The following IQSEC3 variants were observed in gnomAD, a reference collection of about 807,000 sequenced individuals.
IQSEC3 encodes the protein IQ motif and SEC7 domain-containing protein 3.
In IQSEC3, 50 loss-of-function variants were observed where a neutral mutation model predicts 105.4. The observed-to-expected ratio is 0.47, with a 90% confidence interval of 0.38 to 0.60. IQSEC3 has a LOEUF of 0.60. IQSEC3 is among the 20% of genes least tolerant of loss of function. IQSEC3 has a pLI of 0.00. For missense variants in IQSEC3, 1,415 were observed against 1,630.0 expected, an observed-to-expected ratio of 0.87 and a Z score of 2.27; for synonymous variants, 708 against 746.0, an observed-to-expected ratio of 0.95 and a Z score of 0.83.
At chr12:154,472 C>T (rs782681753) in intron 5 of IQSEC3, among the ~76,000 whole-genome samples, 1 of 152,074 alleles carries the variant, frequency 6.6e-6, no homozygotes, top group Non-Finnish European at 1.5e-5. Context: ...AGGACCTCAG[C>T]GTTCAGAAAC....
chr12:131,787 G>A (rs1555085194), intron 3 of IQSEC3, among the ~76,000 whole-genome samples: 2 of 152,096 alleles, frequency 1.3e-5, no homozygotes, highest in African/African-American at 4.8e-5. Context: ...GGAAGGTGTA[G>A]GGGACAGTGC....
chr12:131,625 C>T (rs1297176013), intron 3 of IQSEC3, among the ~76,000 whole-genome samples: 2 of 152,230 alleles, frequency 1.3e-5, no homozygotes, highest in Non-Finnish European at 2.9e-5. Flanking sequence ...TATTCAGCCT[C>T]AGCCACAGGT....
chr12:154,536 A>G (rs1555093595), intron 5 of IQSEC3, among the ~76,000 whole-genome samples: 2 of 152,114 alleles, frequency 1.3e-5, no homozygotes, highest in African/African-American at 4.8e-5. Context: ...GAGCAGCAGG[A>G]TGGCACTCAG....
At chr12:157,395 G>A (rs1866727921) in intron 6 of IQSEC3, 133 bp from the exon 7 acceptor site, 1 of 1,153,296 alleles carries the variant, frequency 8.7e-7, no homozygotes, top group African/African-American at 1.6e-5. Flanking sequence ...CAGAGTATGG[G>A]ACAGACACTG....
intron 11 of IQSEC3, chr12:166,252 G>A (rs1437580195): frequency 1.1e-5 from 3 of 268,112 alleles, no homozygotes; most frequent in Admixed American, 9.7e-5. Context: ...ACCGTCTGCT[G>A]TCACCTCCCC....
intron 2 of IQSEC3, among the ~76,000 whole-genome samples, chr12:101,154 G>T (rs376632555): frequency 6.6e-6 from 1 of 152,102 alleles, no homozygotes; most frequent in African/African-American, 2.4e-5. Context: ...GCTTCCTGTG[G>T]TCTCTCCTCC....
rs946158289 is a variant in IQSEC3 at position 152,971 on chromosome 12, G to A, written c.2154-4054G>A. The stretch of plus-strand genomic sequence containing the variant: ...GGCTGCAGCATGGATTTGGTAAACT[G>A]CCCACACTCAGCTCCCCAAGAGGAT... On this transcript the variant is annotated intron_variant, in intron 5 of 13. Transcript: ENST00000538872. The surrounding 1 kb of genome is among the most constrained non-coding windows in gnomAD (Gnocchi z 4.8). Among the ~76,000 whole-genome samples, 1 of 152,166 alleles carries A rather than the reference G, an allele frequency of 6.6e-6. No individual in the cohort carries two copies. Among genetic ancestry groups the A allele is most frequent in the African/African-American group, 2.4e-5 (1 of 41,434 alleles).
chr12:159,689 G>A (rs1196218131), intron 7 of IQSEC3, among the ~76,000 whole-genome samples: 2 of 152,180 alleles, frequency 1.3e-5, no homozygotes, highest in Non-Finnish European at 1.5e-5. Context: ...GGATGTTCAC[G>A]ATGATGCATC....
intron 3 of IQSEC3, among the ~76,000 whole-genome samples, chr12:126,210 C>T (rs566341313): frequency 1.3e-5 from 2 of 152,346 alleles, no homozygotes; most frequent in Admixed American, 1.3e-4. Context: ...GACCACTAGG[C>T]AAGGAGCCCA....
At chr12:142,443 A>G (rs1380134856) in intron 5 of IQSEC3, 6 of 152,178 alleles carry the variant, frequency 3.9e-5, no homozygotes, top group African/African-American at 1.4e-4. Flanking sequence ...AATCCCTGTC[A>G]CATTTCTAAA....
intron 3 of IQSEC3, among the ~76,000 whole-genome samples, chr12:131,070 G>A (rs1299437652): frequency 8.9e-6 from 1 of 112,068 alleles, no homozygotes; most frequent in Non-Finnish European, 1.9e-5. Context: ...CCCAGCTAGC[G>A]GCTCTTCCTC....
chr12:129,901 T>C (rs775871909), intron 3 of IQSEC3, among the ~76,000 whole-genome samples: 89 of 152,134 alleles, frequency 5.9e-4, no homozygotes, highest in Non-Finnish European at 1.1e-3. Context: ...GTGGTGGCTA[T>C]GTTTCTAAGT....
intron 2 of IQSEC3, among the ~76,000 whole-genome samples, chr12:103,657 T>TG (rs1864518625): frequency 3.0e-5 from 1 of 32,984 alleles, no homozygotes; most frequent in Non-Finnish European, 5.1e-5. Flanking sequence ...GAGGGAGAGG[T>TG]GGAGTTCGGT....
At chr12:94,200 C>T (rs1555074229) in intron 1 of IQSEC3, among the ~76,000 whole-genome samples, 1 of 152,184 alleles carries the variant, frequency 6.6e-6, no homozygotes, top group Non-Finnish European at 1.5e-5. Flanking sequence ...ACTAGGGACT[C>T]CCTGCCTGGT....
chr12:109,588 C>T (rs1199798476), intron 2 of IQSEC3, among the ~76,000 whole-genome samples: 1 of 150,632 alleles, frequency 6.6e-6, no homozygotes, highest in Non-Finnish European at 1.5e-5. Flanking sequence ...CAGCCTGATC[C>T]TAAACTCTCC....
At chr12:128,107 T>C (rs1338318643) in intron 3 of IQSEC3, among the ~76,000 whole-genome samples, 1 of 152,192 alleles carries the variant, frequency 6.6e-6, no homozygotes, top group Non-Finnish European at 1.5e-5. Flanking sequence ...GGCCTTCTCT[T>C]GCTTTAGTAC....
chr12:174,428 G>A (rs940736584), intron 13 of IQSEC3, among the ~76,000 whole-genome samples, 171 bp from the exon 14 acceptor site: 2 of 152,104 alleles, frequency 1.3e-5, no homozygotes, highest in Admixed American at 6.5e-5. Context: ...CTCCCCCCTG[G>A]GCAAAAGCCA....
intron 9 of IQSEC3, among the ~76,000 whole-genome samples, chr12:164,124 G>A (rs554627270): frequency 3.9e-4 from 59 of 152,306 alleles, no homozygotes; most frequent in African/African-American, 1.1e-3. Context: ...TTTGATCAGC[G>A]TTGACCATGT....
intron 12 of IQSEC3, among the ~76,000 whole-genome samples, chr12:169,976 C>G (rs10773937): frequency 0.46 from 69,604 of 152,098 alleles, 16,547 homozygotes; most frequent in East Asian, 0.57. Context: ...CTGAGAAGCT[C>G]CAGTGGGCCC....
Sources: allele counts gnomAD v4.1 joint callset (sites outside exome capture counted in the v4.1 genomes callset), GRCh38; gene constraint gnomAD v4.1.1; non-coding constraint Gnocchi (gnomAD v3.1); transcripts MANE v1.5; gene names NCBI Gene and HGNC (gene_info 2026-07-23, HGNC 2026-07-21).